The following ASXL3 variants were observed in gnomAD, a reference collection of about 807,000 sequenced individuals.
ASXL3 encodes ASXL transcriptional regulator 3, also known as putative Polycomb group protein ASXL3.
A neutral mutation model predicts 170.6 loss-of-function variants in ASXL3; 34 were observed. The observed-to-expected ratio is 0.20, with a 90% CI of 0.15 to 0.27. ASXL3 has a LOEUF of 0.27. ASXL3 is among the 10% of genes least tolerant of loss of function. The pLI is 1.00. For missense variants in ASXL3, 2,592 were observed against 2,695.3 expected, an observed-to-expected ratio of 0.96 and a Z score of 0.85; for synonymous variants, 1,002 against 989.1, an observed-to-expected ratio of 1.01 and a Z score of -0.24.
At chr18:33,660,979 A>G (rs1160805737) in intron 4 of ASXL3, among the ~76,000 whole-genome samples, 1 of 152,208 alleles carries the variant, frequency 6.6e-6, no homozygotes, top group Non-Finnish European at 1.5e-5. Flanking sequence ...AGAATAGACA[A>G]CATGCAAGCC....
At position 33,743,805 on chromosome 18, in the gene ASXL3, T is replaced by C; in HGVS notation, c.3957T>C (p.Asp1319=). Reference sequence around the variant, plus strand: ...GCTCCAGCATATCAAGCTCCATGGATGATAAGCAGTTACTAATATCAAGCA... The same window carrying C: ...GCTCCAGCATATCAAGCTCCATGGACGATAAGCAGTTACTAATATCAAGCA... ...TEGSSISSSM[D]DKQLLISSSS... Residue 1319 remains aspartate (D), a synonymous_variant, in exon 12 of 12, where the codon GAT becomes GAC. Coordinates refer to ENST00000269197, the MANE Select transcript of ASXL3 (RefSeq NM_030632.3). 1 of 1,614,038 alleles carries C rather than the reference T, an allele frequency of 6.2e-7. No individual in the cohort carries two copies. The highest frequency in any genetic ancestry group is 8.5e-7 in the Non-Finnish European group (1 of 1,179,900).
At chr18:33,705,079 G>GT (rs1159607948) in intron 8 of ASXL3, among the ~76,000 whole-genome samples, 1 of 151,708 alleles carries the variant, frequency 6.6e-6, no homozygotes, top group Non-Finnish European at 1.5e-5. Context: ...TATTTGACAT[G>GT]TTTAATAGCT....
At chr18:33,652,598 T>C (rs570719942) in intron 4 of ASXL3, among the ~76,000 whole-genome samples, 1 of 32,406 alleles carries the variant, frequency 3.1e-5, no homozygotes, top group African/African-American at 1.4e-4. Context: ...AAGTTTCTGT[T>C]GGGGCAAAAA....
intron 4 of ASXL3, among the ~76,000 whole-genome samples, chr18:33,657,380 A>T (rs544905256): frequency 6.6e-6 from 1 of 152,124 alleles, no homozygotes; most frequent in East Asian, 1.9e-4. Flanking sequence ...AGAGAGATAG[A>T]TCAAGTTTGT....
intron 8 of ASXL3, among the ~76,000 whole-genome samples, chr18:33,710,952 A>G (rs1170017076): frequency 6.6e-6 from 1 of 152,180 alleles, no homozygotes; most frequent in African/African-American, 2.4e-5. Flanking sequence ...TTTGCATACA[A>G]AATGCTGTTG....
chr18:33,594,968 A>G (rs926506876), intron 1 of ASXL3, among the ~76,000 whole-genome samples: 1 of 152,172 alleles, frequency 6.6e-6, no homozygotes. Flanking sequence ...TTTGTAGTAT[A>G]AACCATTATG....
chr18:33,741,013 A>C lies in ASXL3; in HGVS notation c.3039+570A>C, dbSNP rs540872777. Among the ~76,000 whole-genome samples, 403 of 152,306 alleles carry C rather than the reference A, an allele frequency of 2.6e-3. 1 individual carries two copies. The highest frequency in any genetic ancestry group is 4.9e-3 in the Non-Finnish European group (336 of 68,018). On this transcript the variant is annotated intron_variant, in intron 11 of 11. Transcript: ENST00000269197. ...TTATATGTAGATATAAAATCTACAAAATTTTCATTTTATGTATGACTCATG... is the reference window on the plus strand; with the variant it reads ...TTATATGTAGATATAAAATCTACAACATTTTCATTTTATGTATGACTCATG...
At chr18:33,615,531 G>A (rs1446277183) in intron 2 of ASXL3, among the ~76,000 whole-genome samples, 1 of 152,174 alleles carries the variant, frequency 6.6e-6, no homozygotes, top group East Asian at 1.9e-4. Flanking sequence ...AGCACATGCT[G>A]TTGGAAAAAT....
At chr18:33,713,595 A>G (rs565624598) in intron 8 of ASXL3, among the ~76,000 whole-genome samples, 191 of 152,216 alleles carry the variant, frequency 1.3e-3, no homozygotes, top group African/African-American at 4.3e-3. Flanking sequence ...TATGTCATAT[A>G]TTATGTAAAA....
intron 1 of ASXL3, among the ~76,000 whole-genome samples, chr18:33,604,007 C>T (rs986347655): frequency 1.3e-5 from 2 of 151,994 alleles, no homozygotes; most frequent in Non-Finnish European, 2.9e-5. Context: ...CGAAACTCAG[C>T]AGTTTTAGGG....
chr18:33,623,914 A>G (rs1208698971), intron 2 of ASXL3, among the ~76,000 whole-genome samples: 1 of 152,050 alleles, frequency 6.6e-6, no homozygotes, highest in African/African-American at 2.4e-5. Flanking sequence ...ATCCCAGCAC[A>G]TTGGGAGGCC....
chr18:33,597,099 C>G (rs62090636), intron 1 of ASXL3, among the ~76,000 whole-genome samples: 17,764 of 152,156 alleles, frequency 0.12, 1,364 homozygotes, highest in African/African-American at 0.21. Context: ...ACAGACGTGA[C>G]CCACTGCGCC....
chr18:33,709,228 A>G (rs1278565834), intron 8 of ASXL3, among the ~76,000 whole-genome samples: 2 of 151,900 alleles, frequency 1.3e-5, no homozygotes, highest in African/African-American at 2.4e-5. Context: ...GTTTGACAGT[A>G]TTTATTAAAG....
At chr18:33,599,993 T>C (rs1025344099) in intron 1 of ASXL3, among the ~76,000 whole-genome samples, 5 of 152,168 alleles carry the variant, frequency 3.3e-5, no homozygotes, top group African/African-American at 1.2e-4. Flanking sequence ...TTTTCCCATA[T>C]TCTATTTGGA....
chr18:33,738,827 GA>G lies in ASXL3; in HGVS notation c.1425del (p.Glu475AspfsTer9), dbSNP rs2067595523. 1 of 1,613,428 alleles carries G rather than the reference GA, an allele frequency of 6.2e-7. No individual in the cohort carries two copies. Among genetic ancestry groups the G allele is most frequent in the African/African-American group, 1.3e-5 (1 of 74,912 alleles). On this transcript the variant is annotated frameshift_variant, in exon 11 of 12. Coordinates refer to ENST00000269197, the MANE Select transcript of ASXL3 (RefSeq NM_030632.3). LOFTEE classifies it high-confidence loss of function. Reference protein sequence around the residue: ...CQDENHKTIPEFSEEAESLTN... With the variant: ...CQDENHKTIPXFSEEAESLTN... ...GGATGAAAATCATAAGACAATACCT[GA>G]ATTTTCTGAGGAGGCTGAAAGTCTA... is the stretch of plus-strand genomic sequence containing the variant.
chr18:33,698,495 A>G (rs1289380602), intron 8 of ASXL3, among the ~76,000 whole-genome samples: 1 of 152,154 alleles, frequency 6.6e-6, no homozygotes, highest in Non-Finnish European at 1.5e-5. Flanking sequence ...TTGGCTATAC[A>G]GGTCTGGAGG....
chr18:33,694,938 C>T (rs1423993959), intron 8 of ASXL3, among the ~76,000 whole-genome samples: 2 of 152,140 alleles, frequency 1.3e-5, no homozygotes, highest in Non-Finnish European at 1.5e-5. Context: ...TTATTGATTT[C>T]TGATGGCTCT....
At chr18:33,652,152 T>TA (rs962940108) in intron 4 of ASXL3, among the ~76,000 whole-genome samples, 1 of 152,054 alleles carries the variant, frequency 6.6e-6, no homozygotes, top group Non-Finnish European at 1.5e-5. Context: ...GCCACCCAAG[T>TA]AAAATATTAT....
At chr18:33,644,870 T>G in intron 2 of ASXL3, 24 bp from the exon 3 acceptor site, 2 of 1,482,356 alleles carry the variant, frequency 1.3e-6, no homozygotes, top group Non-Finnish European at 1.8e-6. Context: ...GACTGCTTCA[T>G]TTTTGCACAC....
Sources: gnomAD v4.1 joint callset for allele counts (sites outside exome capture counted in the v4.1 genomes callset) on GRCh38, gnomAD v4.1.1 for gene constraint, MANE v1.5 for transcripts, NCBI Gene and HGNC (gene_info 2026-07-23, HGNC 2026-07-21) for gene names.